FMNL2: variants seen among roughly 807,000 people sequenced by gnomAD.
The protein encoded by FMNL2 is formin like 2.
A neutral mutation model predicts 130.2 loss-of-function variants in FMNL2; 51 were observed. The ratio of observed to expected loss-of-function variants is 0.39; its 90% CI spans 0.31 to 0.49. The LOEUF (loss-of-function observed/expected upper bound fraction) is 0.49. Among genes scored for constraint, FMNL2 ranks in the 20% least tolerant of loss-of-function variants. The pLI, the probability that FMNL2 is intolerant of heterozygous loss-of-function variation, is 0.85. For synonymous variants in FMNL2, 465 were observed against 467.1 expected (o/e 1.00, Z 0.06); for missense variants, 977 against 1,316.2 (o/e 0.74, Z 3.99).
intron 1 of FMNL2, among the ~76,000 whole-genome samples, chr2:152,479,016 A>G (rs1690327978): frequency 6.6e-6 from 1 of 152,236 alleles, no homozygotes; most frequent in African/African-American, 2.4e-5. Flanking sequence ...AGGTGAAATA[A>G]TTGAAAGTAT....
chr2:152,434,982 A>T (rs1442498547), intron 1 of FMNL2, among the ~76,000 whole-genome samples: 1 of 152,024 alleles, frequency 6.6e-6, no homozygotes, highest in Non-Finnish European at 1.5e-5. Flanking sequence ...TCTAGCACTC[A>T]ACATCTAGAT....
At chr2:152,480,756 G>A (rs1027822560) in intron 1 of FMNL2, among the ~76,000 whole-genome samples, 1 of 151,974 alleles carries the variant, frequency 6.6e-6, no homozygotes, top group African/African-American at 2.4e-5. Flanking sequence ...GGGATTCTTG[G>A]CAGTAGGCAT....
At chr2:152,621,669 C>G (rs1681317631) in intron 15 of FMNL2, among the ~76,000 whole-genome samples, 1 of 152,188 alleles carries the variant, frequency 6.6e-6, no homozygotes, top group Admixed American at 6.5e-5. Flanking sequence ...AGCTCGAGAT[C>G]AGGCAATTTC....
intron 1 of FMNL2, among the ~76,000 whole-genome samples, chr2:152,477,732 A>G (rs1690234918): frequency 6.6e-6 from 1 of 152,206 alleles, no homozygotes; most frequent in South Asian, 2.1e-4. Flanking sequence ...GGAGATGGAC[A>G]TTGAGTATAG....
At chr2:152,381,908 C>T (rs1684491844) in intron 1 of FMNL2, among the ~76,000 whole-genome samples, 1 of 151,924 alleles carries the variant, frequency 6.6e-6, no homozygotes, top group South Asian at 2.1e-4. Flanking sequence ...ATAGATCTGC[C>T]CACCTCAGCC....
intron 22 of FMNL2, 94 bp from the exon 23 acceptor site, chr2:152,637,479 T>A: frequency 2.1e-6 from 2 of 953,976 alleles, no homozygotes; most frequent in Non-Finnish European, 3.3e-6. Context: ...GGAGCCTCTG[T>A]CTTGTGGCTG....
At chr2:152,469,817 G>A in intron 1 of FMNL2, among the ~76,000 whole-genome samples, 1 of 152,186 alleles carries the variant, frequency 6.6e-6, no homozygotes, top group African/African-American at 2.4e-5. Context: ...GGAGCAGTAT[G>A]TGCATCCTAA....
At chr2:152,462,427 G>A (rs1418717138) in intron 1 of FMNL2, among the ~76,000 whole-genome samples, 1 of 152,142 alleles carries the variant, frequency 6.6e-6, no homozygotes, top group African/African-American at 2.4e-5. Flanking sequence ...CTGATTGTCT[G>A]CCACTCCCAC....
chr2:152,350,362 C>T (rs1017521406), intron 1 of FMNL2, among the ~76,000 whole-genome samples: 1 of 152,142 alleles, frequency 6.6e-6, no homozygotes, highest in African/African-American at 2.4e-5. Flanking sequence ...GAGTCTGTCC[C>T]CTCACTCTGT....
At chr2:152,630,200 A>T (rs1682066230) in intron 20 of FMNL2, among the ~76,000 whole-genome samples, 1 of 152,226 alleles carries the variant, frequency 6.6e-6, no homozygotes, top group African/African-American at 2.4e-5. Context: ...GGAATGATTA[A>T]ATGTGCTGTA....
At chr2:152,433,449 T>G (rs1040375200) in intron 1 of FMNL2, among the ~76,000 whole-genome samples, 3 of 152,030 alleles carry the variant, frequency 2.0e-5, no homozygotes, top group Admixed American at 6.6e-5. Context: ...TTCTGGAGGA[T>G]AGAAAATCAA....
chr2:152,596,653 G>C (rs1158171087), intron 9 of FMNL2, among the ~76,000 whole-genome samples: 2 of 152,190 alleles, frequency 1.3e-5, no homozygotes, highest in Non-Finnish European at 2.9e-5. Context: ...AGGCATGGTG[G>C]CTCACGTTTG....
intron 4 of FMNL2, among the ~76,000 whole-genome samples, chr2:152,556,887 C>T (rs919825878): frequency 6.6e-6 from 1 of 151,910 alleles, no homozygotes; most frequent in African/African-American, 2.4e-5. Context: ...CCCCCCTCCC[C>T]CCGCCGTGAT....
chr2:152,499,792 AATAC>A (rs1485465321), intron 1 of FMNL2, among the ~76,000 whole-genome samples: 1 of 152,186 alleles, frequency 6.6e-6, no homozygotes, highest in Admixed American at 6.5e-5. Flanking sequence ...GATCCATATA[AATAC>A]ATTCATTTAT....
intron 7 of FMNL2, chr2:152,578,632 G>A (rs1314692760): frequency 3.7e-6 from 1 of 272,644 alleles, no homozygotes; most frequent in Non-Finnish European, 6.8e-6. Context: ...TGTTGTCCTG[G>A]ACTCAAGCTG....
intron 1 of FMNL2, among the ~76,000 whole-genome samples, chr2:152,383,601 G>A (rs529389468): frequency 6.6e-6 from 1 of 152,042 alleles, no homozygotes; most frequent in Non-Finnish European, 1.5e-5. Flanking sequence ...TTCATAAAAG[G>A]TAGCTGCTAT....
intron 1 of FMNL2, among the ~76,000 whole-genome samples, chr2:152,402,259 G>A (rs1424112581): frequency 6.6e-6 from 1 of 152,138 alleles, no homozygotes; most frequent in East Asian, 1.9e-4. Context: ...TGTAAATAGT[G>A]GTGAAACATG....
intron 1 of FMNL2, among the ~76,000 whole-genome samples, chr2:152,402,942 G>A (rs1685788685): frequency 6.6e-6 from 1 of 152,182 alleles, no homozygotes; most frequent in South Asian, 2.1e-4. Context: ...AGTTGTCGTG[G>A]AGCCCCAGGC....
At chr2:152,647,235 T>G (rs1683668008) in intron 25 of FMNL2, among the ~76,000 whole-genome samples, 1 of 152,126 alleles carries the variant, frequency 6.6e-6, no homozygotes, top group South Asian at 2.1e-4. Flanking sequence ...ATTATTTTGG[T>G]TTAGATTTAA....
Sources: allele counts gnomAD v4.1 joint callset (sites outside exome capture counted in the v4.1 genomes callset), GRCh38; gene constraint gnomAD v4.1.1; transcripts MANE v1.5; gene names NCBI Gene and HGNC (gene_info 2026-07-23, HGNC 2026-07-21).